Variants in SMARCD2 observed in about 807,000 individuals in gnomAD.
SMARCD2 encodes the protein SWI/SNF-related matrix-associated actin-dependent regulator of chromatin subfamily D member 2.
A neutral mutation model predicts 70.4 loss-of-function variants in SMARCD2; 39 were observed. That is an observed-to-expected ratio of 0.55 (90% confidence interval 0.43 to 0.72). The LOEUF is 0.72. SMARCD2 is among the 30% of genes least tolerant of loss of function. SMARCD2 has a pLI of 0.00. For missense variants in SMARCD2, 540 were observed against 713.4 expected (o/e 0.76, Z 2.77); for synonymous variants, 249 against 279.4 (o/e 0.89, Z 1.08).
intron 1 of SMARCD2, among the ~76,000 whole-genome samples, chr17:63,840,337 AT>A (rs57487581): frequency 0.34 from 47,615 of 141,802 alleles, 8,838 homozygotes; most frequent in African/African-American, 0.53. Context: ...GCTTGGCTAA[AT>A]TTTTTTTTTT....
chr17:63,839,585 C>T (rs964784565), intron 1 of SMARCD2, among the ~76,000 whole-genome samples: 2 of 65,554 alleles, frequency 3.1e-5, no homozygotes, highest in South Asian at 1.2e-3. Context: ...CAAAACAAAA[C>T]AAAACAAACA....
chr17:63,835,751 A>C, intron 4 of SMARCD2, 184 bp from the exon 5 acceptor site: 2 of 512,920 alleles, frequency 3.9e-6, no homozygotes, highest in Non-Finnish European at 6.8e-6. Flanking sequence ...TTTTTTAGAC[A>C]TGGTCTCACT....
intron 1 of SMARCD2, chr17:63,838,577 G>T: frequency 7.0e-7 from 1 of 1,428,318 alleles, no homozygotes; most frequent in Non-Finnish European, 9.2e-7. Context: ...GACAGAAATA[G>T]CTTCTTTAGA....
At position 63,837,394 on chromosome 17, in the gene SMARCD2, C is replaced by T; in HGVS notation, c.401+47G>A. 2 of 1,549,982 alleles carry T rather than the reference C, an allele frequency of 1.3e-6. No homozygotes were observed. The highest frequency in any genetic ancestry group is 1.7e-5 in the Admixed American group (1 of 57,562). On this transcript the variant is annotated intron_variant, in intron 2 of 12. Coordinates refer to ENST00000448276, the MANE Select transcript of SMARCD2 (RefSeq NM_001098426.2). This position sits in a 1 kb window ranked among gnomAD's most constrained non-coding sequence, Gnocchi z 6.4. ...TAAGATAGAAGGAAACCCTCTGCTA[C>T]CACCAGAGCTGAGTTAGGCAGAGTG... is the stretch of plus-strand genomic sequence containing the variant.
chr17:63,833,727 A>G lies in SMARCD2; in HGVS notation c.1182-5T>C, dbSNP rs1567760413. The G allele has an allele frequency of 6.2e-6, 10 of 1,613,990 alleles. No individual in the cohort carries two copies. The highest frequency in any genetic ancestry group is 7.6e-6 in the Non-Finnish European group (9 of 1,179,884). On this transcript the variant is annotated splice_region_variant and splice_polypyrimidine_tract_variant and intron_variant, in intron 9 of 12. Transcript: ENST00000448276. This position sits in a 1 kb window ranked among gnomAD's most constrained non-coding sequence, Gnocchi z 4.3. The stretch of plus-strand genomic sequence containing the variant: ...TTCTGGTCGTTAGGGTCGACACTGC[A>G]GGCAGCACATGGGGAGGGAAGGCAC...
intron 4 of SMARCD2, among the ~76,000 whole-genome samples, chr17:63,836,422 C>T (rs1487131681): frequency 6.7e-6 from 1 of 149,266 alleles, no homozygotes; most frequent in African/African-American, 2.5e-5. Flanking sequence ...TTACTTGAAC[C>T]TGGGATGCGA....
In SMARCD2 at chr17:63,837,588, G is replaced by A; in HGVS notation, c.254C>T (p.Ala85Val). The A allele has an allele frequency of 6.2e-7, 1 of 1,613,062 alleles. No homozygotes were observed. Among genetic ancestry groups the A allele is most frequent in the African/African-American group, 1.3e-5 (1 of 75,018 alleles). ...AGCAGGGGGTCCCACCTGCAAGCCA[G>A]CCATGGGCATCCGGTTCCCTGGTGA... ...GMSPGNRMPM[A>V]GLQVGPPAGS... The change falls in exon 2 of 13, where the codon GCT becomes GTT. Residue 85 changes from alanine to valine, a missense_variant. By Grantham distance (64) the Ala-to-Val change is moderately conservative. Transcript: ENST00000448276. The surrounding 1 kb of genome is among the most constrained non-coding windows in gnomAD (Gnocchi z 6.4).
rs1037063238 is a variant in SMARCD2, at chr17:63,833,741, G to T, written c.1182-19C>A. 6.2e-7 allele frequency: 1 copy of T among 1,613,954 alleles called. No homozygotes were observed. Among genetic ancestry groups the T allele is most frequent in the African/African-American group, 1.3e-5 (1 of 75,058 alleles). On this transcript the variant is annotated intron_variant, in intron 9 of 12. Transcript: ENST00000448276. The surrounding 1 kb of genome is among the most constrained non-coding windows in gnomAD (Gnocchi z 4.3). ...GTCGACACTGCAGGCAGCACATGGG[G>T]AGGGAAGGCACATAGCTGACTTCAT...
rs1352324597 is a variant in SMARCD2, at chr17:63,837,527, AG to A, written c.314del (p.Pro105LeufsTer7). Reference protein sequence around the residue: ...SPFGAAAPLRPGMPPTMMDPF... With the variant: ...SPFGAAAPLRXGMPPTMMDPF... ...GATCCATCATGGTGGGTGGCATGCC[AG>A]GTCGAAGCGGAGCTGCTGCACCAAA... On this transcript the variant is annotated frameshift_variant, in exon 2 of 13. Coordinates refer to ENST00000448276, the MANE Select transcript of SMARCD2 (RefSeq NM_001098426.2). LOFTEE classifies it high-confidence loss of function. The surrounding 1 kb of genome is among the most constrained non-coding windows in gnomAD (Gnocchi z 6.4). 1 of 1,608,186 alleles carries A rather than the reference AG, an allele frequency of 6.2e-7. No individual in the cohort carries two copies. The highest frequency in any genetic ancestry group is 1.3e-5 in the African/African-American group (1 of 74,786).
rs1473836581 is a variant in SMARCD2, at chr17:63,842,450, C to T, written c.216+9G>A. On this transcript the variant is annotated intron_variant, in intron 1 of 12. Transcript: ENST00000448276. ...CTCGCCCCCGTCCGCTCGCGTCCTC[C>T]TTGCTCACCTGGTACTGCGCCGCGG... The T allele has an allele frequency of 1.5e-6, 2 of 1,347,846 alleles. No homozygotes were observed. The highest frequency in any genetic ancestry group is 3.4e-5 in the Admixed American group (1 of 29,612). 83.5% of individuals were successfully genotyped at this position (1,347,846 alleles called of 1,614,324 possible).
chr17:63,837,418 T>C lies in SMARCD2; in HGVS notation c.401+23A>G. 1 of 1,569,000 alleles carries C rather than the reference T, an allele frequency of 6.4e-7. No individual in the cohort carries two copies. Among genetic ancestry groups the C allele is most frequent in the Admixed American group, 1.8e-5 (1 of 55,990 alleles). On this transcript the variant is annotated intron_variant, in intron 2 of 12. Coordinates refer to ENST00000448276, the MANE Select transcript of SMARCD2 (RefSeq NM_001098426.2). This position sits in a 1 kb window ranked among gnomAD's most constrained non-coding sequence, Gnocchi z 6.4. The stretch of plus-strand genomic sequence containing the variant: ...ACCACCAGAGCTGAGTTAGGCAGAG[T>C]GAGAGAAGCAGGATGCTCTTACCCC...
intron 1 of SMARCD2, chr17:63,838,643 C>A: frequency 6.7e-7 from 1 of 1,495,770 alleles, no homozygotes. Flanking sequence ...TCTGTGGAGC[C>A]CATCTGGGAG....
Position 63,833,445 on chromosome 17 carries a change from T to A in SMARCD2, c.1318-25A>T. The A allele has an allele frequency of 6.2e-7, 1 of 1,613,164 alleles. No homozygotes were observed. The highest frequency in any genetic ancestry group is 8.5e-7 in the Non-Finnish European group (1 of 1,179,316). On this transcript the variant is annotated intron_variant, in intron 10 of 12. Transcript: ENST00000448276. The surrounding 1 kb of genome is among the most constrained non-coding windows in gnomAD (Gnocchi z 4.3). ...TCTGGAGAGGGTACCTGTGTCAGAC[T>A]GTGCCCCCAAAGCTTACATGCAAGC...
intron 1 of SMARCD2, among the ~76,000 whole-genome samples, chr17:63,840,315 G>A (rs1218949142): frequency 2.1e-5 from 3 of 144,934 alleles, no homozygotes; most frequent in African/African-American, 5.2e-5. Context: ...GACCATAAGC[G>A]CACACCACCA....
At position 63,834,316 on chromosome 17, in the gene SMARCD2, T is replaced by C; in HGVS notation, c.934A>G (p.Lys312Glu). ...LMLDHQPPQY[K>E]LDPRLARLLG... Reference sequence around the variant, plus strand: ...AGCCTTGCCAATCGGGGGTCCAATTTGTACTGGGGAGGCTGGAGTTGGATG... The same window carrying C: ...AGCCTTGCCAATCGGGGGTCCAATTCGTACTGGGGAGGCTGGAGTTGGATG... Residue 312 changes from lysine (K) to glutamate (E), a missense_variant, in exon 8 of 13, where the codon AAA (lysine) becomes GAA (glutamate). Lys to Glu is a moderately conservative substitution (Grantham distance 56, BLOSUM62 1). Coordinates refer to ENST00000448276, the MANE Select transcript of SMARCD2 (RefSeq NM_001098426.2). The surrounding 1 kb of genome is among the most constrained non-coding windows in gnomAD (Gnocchi z 5.6). The C allele has an allele frequency of 6.2e-7, 1 of 1,611,742 alleles. No individual in the cohort carries two copies. Among genetic ancestry groups the C allele is most frequent in the Non-Finnish European group, 8.5e-7 (1 of 1,178,426 alleles).
chr17:63,834,628 G>C lies in SMARCD2; in HGVS notation c.820-53C>G. ...ACCAAGGGGGTGGGCGTGAACACAG[G>C]GCCTCCCAAGGGCCCTGAGGCCATT... On this transcript the variant is annotated intron_variant, in intron 6 of 12. Coordinates refer to ENST00000448276, the MANE Select transcript of SMARCD2 (RefSeq NM_001098426.2). This position sits in a 1 kb window ranked among gnomAD's most constrained non-coding sequence, Gnocchi z 5.6. 2 of 1,567,074 alleles carry C rather than the reference G, an allele frequency of 1.3e-6. No homozygotes were observed. The highest frequency in any genetic ancestry group is 1.8e-6 in the Non-Finnish European group (2 of 1,139,384).
rs773973925 is a variant in SMARCD2, at chr17:63,834,720, G to A, written c.804C>T (p.Asp268=). The stretch of plus-strand genomic sequence containing the variant: ...CCACTCTCACCTCCACCAGGTGATT[G>A]TCAGGCCCGTACAGCTCCTTGTCCA... ...IELDKELYGP[D]NHLVEWHRMP... Residue 268 remains aspartate, a synonymous_variant, in exon 6 of 13, where the codon GAC becomes GAT. Coordinates refer to ENST00000448276, the MANE Select transcript of SMARCD2 (RefSeq NM_001098426.2). This position sits in a 1 kb window ranked among gnomAD's most constrained non-coding sequence, Gnocchi z 5.6. The A allele has an allele frequency of 1.2e-6, 2 of 1,612,928 alleles. No homozygotes were observed. The highest frequency in any genetic ancestry group is 3.3e-5 in the Admixed American group (2 of 60,020).
chr17:63,836,518 A>AAAAAG (rs1567762170), intron 4 of SMARCD2, among the ~76,000 whole-genome samples: 2 of 151,478 alleles, frequency 1.3e-5, no homozygotes, highest in African/African-American at 4.9e-5. Flanking sequence ...AAAAAAAAAA[A>AAAAAG]AAAAGAAAAT....
chr17:63,832,989 C>T lies in SMARCD2; in HGVS notation c.1545G>A (p.Val515=), dbSNP rs181910740. Residue 515 remains valine (V), a splice_region_variant and synonymous_variant, in exon 13 of 13, where the codon GTG becomes GTA. Coordinates refer to ENST00000448276, the MANE Select transcript of SMARCD2 (RefSeq NM_001098426.2). The part of the protein sequence containing the change: ...EAVGRHIFAK[V]QQRRQELEQV... ...GTTCCAGTTCCTGCCTTCGCTGCTGCACCTGGAGAAGGGAGAAACCAAGTG... is the reference window on the plus strand; with the variant it reads ...GTTCCAGTTCCTGCCTTCGCTGCTGTACCTGGAGAAGGGAGAAACCAAGTG... 4.4e-3 allele frequency: 6,944 copies of T among 1,586,544 alleles called. 33 individuals carry two copies. The highest frequency in any genetic ancestry group is 5.0e-3 in the Non-Finnish European group (5,859 of 1,167,658).
Sources: allele counts gnomAD v4.1 joint callset (sites outside exome capture counted in the v4.1 genomes callset), GRCh38; gene constraint gnomAD v4.1.1; non-coding constraint Gnocchi (gnomAD v3.1); transcripts MANE v1.5; gene names NCBI Gene and HGNC (gene_info 2026-07-23, HGNC 2026-07-21).